Variants in PPEF1 observed in about 807,000 individuals in gnomAD.
PPEF1 encodes the protein serine/threonine-protein phosphatase with EF-hands 1.
A neutral mutation model predicts 53.3 loss-of-function variants in PPEF1; 12 were observed. The observed-to-expected ratio is 0.23, with a 90% CI of 0.14 to 0.36. PPEF1 has a LOEUF of 0.36. Ranked by LOEUF, PPEF1 falls within the 10% of genes least tolerant of loss-of-function variation. PPEF1 has a pLI of 1.00. For missense variants in PPEF1, 334 were observed against 490.4 expected (o/e 0.68, Z 3.01); for synonymous variants, 165 against 176.7 (o/e 0.93, Z 0.52).
chrX:18,712,535 G>A (rs2044352514), intron 1 of PPEF1, among the ~76,000 whole-genome samples: 1 of 112,054 alleles, frequency 8.9e-6, no homozygotes, highest in Non-Finnish European at 1.9e-5. Context: ...GCTCTAATAG[G>A]TTTTTAGTGG....
At chrX:18,746,928 G>A (rs952490724) in intron 3 of PPEF1, among the ~76,000 whole-genome samples, 4 of 111,153 alleles carry the variant, frequency 3.6e-5, no homozygotes, top group Admixed American at 9.6e-5. Context: ...GGGTGGTTTC[G>A]GTCATTACAT....
chrX:18,824,227 G>A (rs1397412837), intron 14 of PPEF1, 141 bp downstream of exon 14: 1 of 605,959 alleles, frequency 1.7e-6, no homozygotes, highest in Admixed American at 4.2e-5. Context: ...AGATCCCGAG[G>A]TCAGGAGTTC....
At chrX:18,728,156 CCTCT>C (rs1358781857) in intron 1 of PPEF1, among the ~76,000 whole-genome samples, 1 of 108,481 alleles carries the variant, frequency 9.2e-6, no homozygotes, top group Non-Finnish European at 1.9e-5. Context: ...TGGATGAAAA[CCTCT>C]CTCTCTCTCT....
At chrX:18,798,308 C>T (rs1479879252) in intron 10 of PPEF1, among the ~76,000 whole-genome samples, 1 of 111,709 alleles carries the variant, frequency 9.0e-6, no homozygotes, top group Non-Finnish European at 1.9e-5. Context: ...GCTGGGATTA[C>T]AAGCATGAGC....
At chrX:18,677,253 G>C (rs1370779169) in intron 1 of PPEF1, among the ~76,000 whole-genome samples, 7 of 111,325 alleles carry the variant, frequency 6.3e-5, no homozygotes, top group African/African-American at 2.0e-4. Flanking sequence ...TGGCCAGGTT[G>C]ATCTCAAACT....
intron 6 of PPEF1, among the ~76,000 whole-genome samples, chrX:18,702,408 G>A (rs1930191258): frequency 1.9e-5 from 2 of 107,439 alleles, no homozygotes; most frequent in Admixed American, 2.1e-4. Context: ...ACATCTCTAG[G>A]AAAAGCTGAA....
intron 3 of PPEF1, among the ~76,000 whole-genome samples, chrX:18,747,762 G>A (rs1445945234): frequency 8.9e-6 from 1 of 112,191 alleles, no homozygotes; most frequent in Non-Finnish European, 1.9e-5. Flanking sequence ...GAATCCCCTA[G>A]TTTTTACCAT....
At chrX:18,698,027 C>T (rs1929829488) in intron 5 of PPEF1, 1 of 111,767 alleles carries the variant, frequency 8.9e-6, no homozygotes, top group Non-Finnish European at 1.9e-5. Flanking sequence ...CCCTCATTTG[C>T]TGTTTGACTT....
intron 1 of PPEF1, among the ~76,000 whole-genome samples, chrX:18,708,463 CTT>C (rs72039213): frequency 9.3e-4 from 104 of 112,138 alleles, no homozygotes; most frequent in African/African-American, 3.2e-3. Context: ...TTGAAACAAA[CTT>C]GAGCATTTAA....
chrX:18,685,617 G>A (rs1929041573), intron 2 of PPEF1, among the ~76,000 whole-genome samples: 1 of 106,662 alleles, frequency 9.4e-6, no homozygotes, highest in South Asian at 4.3e-4. Context: ...CCCGGGAGGC[G>A]GGGCTTGCAG....
chrX:18,811,607 A>G (rs1341148363), intron 12 of PPEF1, among the ~76,000 whole-genome samples: 1 of 17,099 alleles, frequency 5.8e-5, no homozygotes, highest in Non-Finnish European at 1.4e-4. Flanking sequence ...ATATATATAT[A>G]TATATATATT....
intron 1 of PPEF1, among the ~76,000 whole-genome samples, chrX:18,684,624 T>TC (rs1491181885): frequency 1.5e-3 from 141 of 97,000 alleles, no homozygotes; most frequent in Admixed American, 7.7e-3. Flanking sequence ...TCTCTCTCTC[T>TC]TTTTTTTTTT....
chrX:18,810,044 AG>A (rs2046772844), intron 12 of PPEF1, among the ~76,000 whole-genome samples: 1 of 106,484 alleles, frequency 9.4e-6, no homozygotes, highest in Non-Finnish European at 1.9e-5. Context: ...AATATGTTAT[AG>A]TTTTATGTCA....
chrX:18,735,125 A>C (rs1237954684), intron 3 of PPEF1, among the ~76,000 whole-genome samples: 2 of 111,370 alleles, frequency 1.8e-5, no homozygotes, highest in East Asian at 5.6e-4. Flanking sequence ...GAAGCTCTTT[A>C]GTTTAATTAG....
intron 3 of PPEF1, among the ~76,000 whole-genome samples, chrX:18,741,898 G>A (rs1222276401): frequency 9.3e-6 from 1 of 107,598 alleles, no homozygotes; most frequent in South Asian, 4.2e-4. Context: ...CCACCTTCCT[G>A]GTTCAAGCAA....
intron 4 of PPEF1, among the ~76,000 whole-genome samples, chrX:18,756,062 G>C (rs1458793721): frequency 1.8e-5 from 2 of 111,273 alleles, no homozygotes; most frequent in Non-Finnish European, 3.8e-5. Flanking sequence ...CTGTTTCTAG[G>C]GGTAGGGATT....
chrX:18,798,804 A>G (rs2055476541), intron 10 of PPEF1, among the ~76,000 whole-genome samples: 4 of 110,906 alleles, frequency 3.6e-5, no homozygotes, highest in Non-Finnish European at 7.6e-5. Flanking sequence ...TTGTAGTTTT[A>G]GTAGAGGCAG....
rs190197561 is a variant in PPEF1 at position 18,786,438 on chromosome X, A to G, written c.912+2390A>G. Among the ~76,000 whole-genome samples the G allele has an allele frequency of 4.3e-3, 484 of 111,614 alleles. 2 individuals carry two copies. The highest frequency in any genetic ancestry group is 0.015 in the African/African-American group (455 of 30,705). The stretch of plus-strand genomic sequence containing the variant: ...TCCACACGTATAAACTGAAGATAAA[A>G]ATACCTACCATATTGGATTTTTGGG... On this transcript the variant is annotated intron_variant, in intron 9 of 15. Coordinates refer to ENST00000470157, the MANE Select transcript of PPEF1 (RefSeq NM_001377996.1).
At chrX:18,749,766 C>A in intron 3 of PPEF1, 26 bp from the exon 4 acceptor site, 2 of 377,629 alleles carry the variant, frequency 5.3e-6, no homozygotes, top group Non-Finnish European at 8.3e-6. Flanking sequence ...CACCCCCACC[C>A]CCCCGTTCTG....
Sources: gnomAD v4.1 joint callset for allele counts (sites outside exome capture counted in the v4.1 genomes callset) on GRCh38, gnomAD v4.1.1 for gene constraint, MANE v1.5 for transcripts, NCBI Gene and HGNC (gene_info 2026-07-23, HGNC 2026-07-21) for gene names.